CILK1: variants seen among roughly 807,000 people sequenced by gnomAD.
CILK1 encodes the protein serine/threonine-protein kinase ICK.
In CILK1, 47 loss-of-function variants were observed where a neutral mutation model predicts 79.2. The ratio of observed to expected loss-of-function variants is 0.59; its 90% confidence interval spans 0.47 to 0.76. The LOEUF is 0.76. CILK1 is among the 30% of genes least tolerant of loss of function. The probability of loss-of-function intolerance (pLI) is 0.00; values close to 1 mark genes in which losing one functional copy is unlikely to be tolerated. For missense variants in CILK1, 660 were observed against 769.5 expected, an observed-to-expected ratio of 0.86 and a Z score of 1.68; for synonymous variants, 266 against 275.9, an observed-to-expected ratio of 0.96 and a Z score of 0.36.
rs1424815582 is a variant in CILK1 at position 53,018,412 on chromosome 6, T to A, written c.581A>T (p.Tyr194Phe). Reference sequence around the variant, plus strand: ...TCCAGGGAAGAGTGGCCTGAGGGTGTAAACTTCTGCCATGATGCAGCCCAC... The same window carrying A: ...TCCAGGGAAGAGTGGCCTGAGGGTGAAAACTTCTGCCATGATGCAGCCCAC... Reference protein sequence around the residue: ...WAVGCIMAEVYTLRPLFPGAS... With the variant: ...WAVGCIMAEVFTLRPLFPGAS... Residue 194 changes from tyrosine to phenylalanine, a missense_variant, in exon 7 of 14, where the codon TAC (tyrosine) becomes TTC (phenylalanine). Tyr to Phe is a conservative substitution (Grantham distance 22). Transcript: ENST00000676107. The A allele has an allele frequency of 1.2e-6, 2 of 1,613,980 alleles. No homozygotes were observed. Among genetic ancestry groups the A allele is most frequent in the Non-Finnish European group, 1.7e-6 (2 of 1,180,018 alleles).
Position 53,016,025 on chromosome 6 carries a change from T to G in CILK1, c.831+58A>C, listed in dbSNP as rs7760529. ...TAAATACTAAATATTTCCTGTGCAATTCATAGAAATTATTCAGAGTTAGAT... is the reference window on the plus strand; with the variant it reads ...TAAATACTAAATATTTCCTGTGCAAGTCATAGAAATTATTCAGAGTTAGAT... On this transcript the variant is annotated intron_variant, in intron 8 of 13. Transcript: ENST00000676107. 3.2e-4 allele frequency: 488 copies of G among 1,515,536 alleles called. 3 individuals carry two copies. The African/African-American group carries it at 5.8e-3, about 18-fold the overall frequency. The allele number at this position is 1,515,536 out of a possible 1,614,324, so 93.9% of individuals were successfully genotyped here. A position where few individuals can be genotyped will look rare whatever the true frequency, so the allele number is the denominator to read the frequency against.
chr6:53,031,589 C>T lies in CILK1; in HGVS notation c.279-445G>A, dbSNP rs776518889. Among the ~76,000 whole-genome samples, 6 of 152,154 alleles carry T rather than the reference C, an allele frequency of 3.9e-5. No homozygotes were observed. In the East Asian group the frequency reaches 5.8e-4, roughly 15 times the overall value. On this transcript the variant is annotated intron_variant, in intron 4 of 13. Transcript: ENST00000676107. ...AAAAATGTGCCCAAGAGGCTCCATA[C>T]GGTTCACCTTTGAAGTTCAAAATTA...
rs753777674 is a variant in CILK1, at chr6:53,019,266, C to T, written c.452G>A (p.Arg151Gln). ...IADFGLAREI[R>Q]SKPPYTDYVS... ...ATAATCTGTATATGGAGGTTTTGAT[C>T]GTATTTCTCGGGCCAAACCAAAGTC... Residue 151 changes from arginine (R) to glutamine (Q), a missense_variant, in exon 6 of 14, where the codon CGA (arginine) becomes CAA (glutamine). Coordinates refer to ENST00000676107, the MANE Select transcript of CILK1 (RefSeq NM_014920.5). The T allele has an allele frequency of 8.1e-6, 13 of 1,613,862 alleles. No individual in the cohort carries two copies. The highest frequency in any genetic ancestry group is 3.3e-5 in the Admixed American group (2 of 59,994).
chr6:53,013,655 T>G lies in CILK1; in HGVS notation c.1152+7A>C, dbSNP rs1764716978. The G allele has an allele frequency of 1.2e-6, 2 of 1,613,704 alleles. No individual in the cohort carries two copies. The highest frequency in any genetic ancestry group is 1.7e-4 in the Middle Eastern group (1 of 6,060). Reference sequence around the variant, plus strand: ...ACGAAGCTCACTGGTGAATCTGGGCTGCTCACCGACTGTGGATGCTTGTTG... The same window carrying G: ...ACGAAGCTCACTGGTGAATCTGGGCGGCTCACCGACTGTGGATGCTTGTTG... On this transcript the variant is annotated splice_region_variant and intron_variant, in intron 9 of 13. Transcript: ENST00000676107.
chr6:53,039,091 T>A (rs971459213), intron 2 of CILK1, among the ~76,000 whole-genome samples: 9 of 152,154 alleles, frequency 5.9e-5, no homozygotes, highest in Non-Finnish European at 1.2e-4. Flanking sequence ...TGTCTCCCGG[T>A]AGAGTGATCA....
At chr6:53,024,833 CTTTTTT>C (rs11399655) in intron 5 of CILK1, among the ~76,000 whole-genome samples, 27 of 133,900 alleles carry the variant, frequency 2.0e-4, no homozygotes, top group South Asian at 1.0e-3. Context: ...ATAGCTAAAT[CTTTTTT>C]TTTTTTTTTT....
intron 1 of CILK1, among the ~76,000 whole-genome samples, chr6:53,049,887 A>G: frequency 6.6e-6 from 1 of 151,772 alleles, no homozygotes; most frequent in East Asian, 1.9e-4. Context: ...GGCCTGGTTA[A>G]TTTTTGTATT....
In CILK1 at chr6:53,011,784, A is replaced by T; in HGVS notation, c.1477T>A (p.Ser493Thr). The change falls in exon 11 of 14, where the codon TCT becomes ACT. Residue 493 changes from serine to threonine, a missense_variant. Transcript: ENST00000676107. ...TTTATATTACCAGGCAAGTATCGAG[A>T]GTGCTTCAAATAGTGCTGCTTGGCT... ...SAAKQHYLKH[S>T]RYLPGISIRN... 1 of 1,614,104 alleles carries T rather than the reference A, an allele frequency of 6.2e-7. No individual in the cohort carries two copies. Among genetic ancestry groups the T allele is most frequent in the East Asian group, 2.2e-5 (1 of 44,864 alleles).
intron 12 of CILK1, among the ~76,000 whole-genome samples, chr6:53,008,854 G>A (rs1471814506): frequency 6.6e-6 from 1 of 152,218 alleles, no homozygotes; most frequent in Admixed American, 6.5e-5. Flanking sequence ...TGGCAGTGCA[G>A]AGGGGAAAGC....
In CILK1 at chr6:53,061,707, C is replaced by G. The variant is rs1768478279; in HGVS notation, c.-284G>C. ...GAAATGGGGACAATCCCTGCTAGGA[C>G]CGGCCGAGGGCTCCGTACAGGGACG... On this transcript the variant is annotated 5_prime_UTR_variant, in exon 1 of 14. Coordinates refer to ENST00000676107, the MANE Select transcript of CILK1 (RefSeq NM_014920.5). 6.6e-6 allele frequency: 1 copy of G among 152,350 alleles called. No individual in the cohort carries two copies. Among genetic ancestry groups the G allele is most frequent in the Admixed American group, 6.5e-5 (1 of 15,288 alleles). The allele number at this position is 152,350 out of a possible 1,614,324, so 9.4% of individuals were successfully genotyped here.
At chr6:53,053,932 T>A (rs1191905088) in intron 1 of CILK1, among the ~76,000 whole-genome samples, 1 of 152,134 alleles carries the variant, frequency 6.6e-6, no homozygotes, top group East Asian at 1.9e-4. Flanking sequence ...CTAAGGTGGT[T>A]TCTTCCTCTA....
In CILK1 at chr6:53,005,246, T is replaced by C. The variant is rs374437106; in HGVS notation, c.1802A>G (p.Gln601Arg). 246 of 1,614,064 alleles carry C rather than the reference T, an allele frequency of 1.5e-4. 1 individual carries two copies. Among genetic ancestry groups the C allele is most frequent in the Non-Finnish European group, 2.0e-4 (237 of 1,180,044 alleles). The stretch of plus-strand genomic sequence containing the variant: ...TATCAACCCAGGAGTGCTTCTAGGC[T>C]GGGTGTGGAAGAATGGTCGCCCAGG... Reference protein sequence around the residue: ...PHPGRPFFHTQPRSTPGLIPR... With the variant: ...PHPGRPFFHTRPRSTPGLIPR... Residue 601 changes from glutamine to arginine, a missense_variant, in exon 14 of 14, where the codon CAG (glutamine) becomes CGG (arginine). By Grantham distance (43) the Gln-to-Arg change is conservative. Coordinates refer to ENST00000676107, the MANE Select transcript of CILK1 (RefSeq NM_014920.5).
At chr6:53,055,166 G>A (rs1307595001) in intron 1 of CILK1, among the ~76,000 whole-genome samples, 1 of 152,172 alleles carries the variant, frequency 6.6e-6, no homozygotes, top group South Asian at 2.1e-4. Context: ...ATCCTCCTAG[G>A]AAAAGTGGAT....
rs143536909 is a variant in CILK1 at position 53,015,601 on chromosome 6, G to A, written c.831+482C>T. ...TAAAAATCATATAAAATATATTCAA[G>A]CATTTGCACACTGTAAAGTGCTATG... On this transcript the variant is annotated intron_variant, in intron 8 of 13. Transcript: ENST00000676107. Among the ~76,000 whole-genome samples the A allele has an allele frequency of 7.9e-5, 12 of 152,270 alleles. No individual in the cohort carries two copies. In the East Asian group the frequency reaches 2.3e-3, roughly 29 times the overall value.
At chr6:53,021,096 G>A (rs1046389400) in intron 5 of CILK1, among the ~76,000 whole-genome samples, 1 of 152,174 alleles carries the variant, frequency 6.6e-6, no homozygotes, top group Non-Finnish European at 1.5e-5. Context: ...CGAGGCGGGC[G>A]GATCACTTGA....
intron 1 of CILK1, among the ~76,000 whole-genome samples, chr6:53,044,304 T>A (rs1279684708): frequency 6.6e-6 from 1 of 152,158 alleles, no homozygotes; most frequent in African/African-American, 2.4e-5. Context: ...TACTGTGAAC[T>A]GCCCATGGGA....
intron 9 of CILK1, 119 bp from the exon 10 acceptor site, chr6:53,012,346 CT>C: frequency 1.1e-6 from 1 of 875,386 alleles, no homozygotes; most frequent in Non-Finnish European, 1.9e-6. Context: ...CATAACATTG[CT>C]TATCTGAAGG....
intron 13 of CILK1, 78 bp from the exon 14 acceptor site, chr6:53,005,381 C>A: frequency 6.7e-7 from 1 of 1,487,484 alleles, no homozygotes; most frequent in Non-Finnish European, 9.3e-7. Context: ...ATTTTGGTGA[C>A]AAAAACATGA....
rs533247138 is a variant in CILK1, at chr6:53,002,873, G to T, written c.*2276C>A. 71 of 152,514 alleles carry T rather than the reference G, an allele frequency of 4.7e-4. No individual in the cohort carries two copies. Among genetic ancestry groups the T allele is most frequent in the African/African-American group, 1.6e-3 (68 of 41,562 alleles). The allele number at this position is 152,514 out of a possible 1,614,324, so 9.4% of individuals were successfully genotyped here. A position where few individuals can be genotyped will look rare whatever the true frequency, so the allele number is the denominator to read the frequency against. On this transcript the variant is annotated 3_prime_UTR_variant, in exon 14 of 14. Transcript: ENST00000676107. ...TAACTAGGTTTTTCAGTTAAAAAAT[G>T]TAATGACCTTATATAAGCTAGATTA...
Sources: gnomAD v4.1 joint callset for allele counts (sites outside exome capture counted in the v4.1 genomes callset) on GRCh38, gnomAD v4.1.1 for gene constraint, MANE v1.5 for transcripts, NCBI Gene and HGNC (gene_info 2026-07-23, HGNC 2026-07-21) for gene names.